Variants in EPHB1 observed in about 807,000 individuals in gnomAD.
The protein encoded by EPHB1 is EPH receptor B1.
Under a neutral mutation model 94.4 loss-of-function variants are expected in EPHB1, and 30 were observed. The ratio of observed to expected loss-of-function variants is 0.32; its 90% CI spans 0.24 to 0.43. EPHB1 has a LOEUF of 0.43. EPHB1 is among the 20% of genes least tolerant of loss of function. EPHB1 has a pLI of 1.00. For missense variants in EPHB1, 1,055 were observed against 1,308.3 expected (o/e 0.81, Z 2.99); for synonymous variants, 522 against 489.1 (o/e 1.07, Z -0.89).
rs1408518086 is a variant in EPHB1 at position 135,025,162 on chromosome 3, T to C, written c.805+73110T>C. On this transcript the variant is annotated intron_variant, in intron 3 of 15. Coordinates refer to ENST00000398015, the MANE Select transcript of EPHB1 (RefSeq NM_004441.5). ...CCCTCCTTCCTTCCCTCCTTCCTTC[T>C]TTCTTTTTTTTTTTTTTTTCAAGAA... 6.4e-5 allele frequency among the ~76,000 whole-genome samples: 5 copies of C among 78,156 alleles called. No individual in the cohort carries two copies. In the East Asian group the frequency reaches 8.3e-4, roughly 13 times the overall value. 51.3% of individuals were successfully genotyped at this position (78,156 alleles called of 152,430 possible).
In EPHB1 at chr3:134,934,434, G is replaced by A. The variant is rs1018968944; in HGVS notation, c.123+8554G>A. ...CTGGGAAGAGACTCCAGGGCCGTGC[G>A]TGGGTGGACCTACCTCAATGGATCC... On this transcript the variant is annotated intron_variant, in intron 2 of 15. Coordinates refer to ENST00000398015, the MANE Select transcript of EPHB1 (RefSeq NM_004441.5). Among the ~76,000 whole-genome samples, 10 of 152,146 alleles carry A rather than the reference G, an allele frequency of 6.6e-5. No homozygotes were observed. The South Asian group carries it at 1.2e-3, about 19-fold the overall frequency.
intron 3 of EPHB1, among the ~76,000 whole-genome samples, chr3:135,032,574 A>T (rs1045924276): frequency 6.6e-6 from 1 of 152,130 alleles, no homozygotes; most frequent in Non-Finnish European, 1.5e-5. Flanking sequence ...CCATCTCTTC[A>T]TATTTTAGTG....
intron 12 of EPHB1, among the ~76,000 whole-genome samples, chr3:135,217,485 G>A (rs1943180039): frequency 6.6e-6 from 1 of 151,798 alleles, no homozygotes; most frequent in African/African-American, 2.4e-5. Flanking sequence ...GGGAGAGAGA[G>A]AGAGAGAGAT....
At chr3:135,027,391 C>T (rs1434562505) in intron 3 of EPHB1, among the ~76,000 whole-genome samples, 1 of 145,324 alleles carries the variant, frequency 6.9e-6, no homozygotes, top group Non-Finnish European at 1.5e-5. Context: ...TACGTCCCAT[C>T]AATACCTAAT....
At chr3:135,109,728 T>C (rs1939367071) in intron 4 of EPHB1, among the ~76,000 whole-genome samples, 3 of 152,216 alleles carry the variant, frequency 2.0e-5, no homozygotes, top group Admixed American at 6.5e-5. Context: ...CGACCTGGTG[T>C]GCAGTGGGAG....
chr3:135,114,982 C>T (rs1939631374), intron 4 of EPHB1, among the ~76,000 whole-genome samples: 1 of 152,102 alleles, frequency 6.6e-6, no homozygotes, highest in South Asian at 2.1e-4. Flanking sequence ...TTACTCTATA[C>T]TCTATACTCT....
chr3:135,155,459 G>A (rs1411431466), intron 6 of EPHB1, among the ~76,000 whole-genome samples: 3 of 152,030 alleles, frequency 2.0e-5, no homozygotes, highest in Non-Finnish European at 4.4e-5. Flanking sequence ...AAGCAAATGG[G>A]GAAGTAATAG....
rs552428834 is a variant in EPHB1 at position 134,854,792 on chromosome 3, C to T, written c.58+59103C>T. Among the ~76,000 whole-genome samples the T allele has an allele frequency of 2.2e-4, 34 of 152,244 alleles. No homozygotes were observed. The South Asian group carries it at 5.4e-3, about 24-fold the overall frequency. ...TCATGGGCTTCAATTTATGTCTTTA[C>T]GCTTGGTTTGGCTTTCTCTTTCTCA... On this transcript the variant is annotated intron_variant, in intron 1 of 15. Transcript: ENST00000398015.
At chr3:135,175,374 A>C (rs2107703171) in intron 9 of EPHB1, among the ~76,000 whole-genome samples, 1 of 152,180 alleles carries the variant, frequency 6.6e-6, no homozygotes, top group Admixed American at 6.5e-5. Context: ...TTCTCCCCAA[A>C]CCTAATATAT....
At chr3:135,103,212 T>A (rs1051795656) in intron 3 of EPHB1, among the ~76,000 whole-genome samples, 13 of 152,204 alleles carry the variant, frequency 8.5e-5, no homozygotes, top group African/African-American at 3.1e-4. Context: ...AATTAAGGCA[T>A]GCCTAGACAG....
At chr3:135,005,599 C>G (rs1222968323) in intron 3 of EPHB1, among the ~76,000 whole-genome samples, 4 of 152,230 alleles carry the variant, frequency 2.6e-5, no homozygotes, top group Admixed American at 6.5e-5. Context: ...GCTGTGCTAG[C>G]AATCAGCGAG....
At chr3:135,110,503 C>T (rs548233757) in intron 4 of EPHB1, among the ~76,000 whole-genome samples, 2 of 152,232 alleles carry the variant, frequency 1.3e-5, no homozygotes, top group East Asian at 3.9e-4. Context: ...ACGGTAAGAC[C>T]TGGGGCAAGT....
intron 3 of EPHB1, among the ~76,000 whole-genome samples, chr3:135,101,482 TC>T (rs1305185214): frequency 2.0e-5 from 3 of 152,124 alleles, no homozygotes; most frequent in Non-Finnish European, 4.4e-5. Context: ...CAAGCGATTC[TC>T]CTGCCTCAGC....
At chr3:135,142,949 G>T (rs934937821) in intron 5 of EPHB1, among the ~76,000 whole-genome samples, 3 of 152,158 alleles carry the variant, frequency 2.0e-5, no homozygotes, top group Non-Finnish European at 2.9e-5. Context: ...GCGAGTGATG[G>T]TGTGAAAGAG....
chr3:135,018,355 C>A (rs941155111), intron 3 of EPHB1, among the ~76,000 whole-genome samples: 2 of 152,108 alleles, frequency 1.3e-5, no homozygotes, highest in African/African-American at 4.8e-5. Flanking sequence ...AAAGTCTACA[C>A]AGCCCATCTG....
At chr3:135,071,535 G>A (rs1327656915) in intron 3 of EPHB1, among the ~76,000 whole-genome samples, 3 of 152,172 alleles carry the variant, frequency 2.0e-5, no homozygotes, top group Non-Finnish European at 4.4e-5. Flanking sequence ...TGCTGGACTA[G>A]GATGTGTGAA....
chr3:135,126,834 A>G (rs986611576), intron 4 of EPHB1, among the ~76,000 whole-genome samples: 51 of 152,174 alleles, frequency 3.4e-4, no homozygotes, highest in African/African-American at 1.2e-3. Context: ...GGTTTCCCCA[A>G]CATAGGTTCC....
At chr3:134,956,412 A>G (rs1046144110) in intron 3 of EPHB1, among the ~76,000 whole-genome samples, 2 of 152,052 alleles carry the variant, frequency 1.3e-5, no homozygotes, top group Admixed American at 1.3e-4. Context: ...GACTCAGAAA[A>G]TGACAATGCT....
intron 3 of EPHB1, among the ~76,000 whole-genome samples, chr3:135,092,635 C>G (rs1938599634): frequency 7.0e-6 from 1 of 142,422 alleles, no homozygotes; most frequent in Admixed American, 6.9e-5. Flanking sequence ...TCCTTCCTTC[C>G]TTCTTTCCTT....
Sources: gnomAD v4.1 joint callset for allele counts (sites outside exome capture counted in the v4.1 genomes callset) on GRCh38, gnomAD v4.1.1 for gene constraint, MANE v1.5 for transcripts, NCBI Gene and HGNC (gene_info 2026-07-23, HGNC 2026-07-21) for gene names.